The following EMC3 variants were observed in gnomAD, a reference collection of about 807,000 sequenced individuals.
EMC3 encodes the protein ER membrane protein complex subunit 3.
In EMC3, 13 loss-of-function variants were observed where a neutral mutation model predicts 36.6. The ratio of observed to expected loss-of-function variants is 0.35; its 90% CI spans 0.23 to 0.56. The LOEUF (loss-of-function observed/expected upper bound fraction) is 0.56, where lower values mean the gene tolerates loss of function less well. Among genes scored for constraint, EMC3 ranks in the 20% least tolerant of loss-of-function variants. The pLI is 0.84. For synonymous variants in EMC3, 120 were observed against 111.9 expected, an observed-to-expected ratio of 1.07 and a Z score of -0.46; for missense variants, 220 against 324.5, an observed-to-expected ratio of 0.68 and a Z score of 2.47.
intron 1 of EMC3, chr3:10,004,762 G>C (rs192323104): frequency 6.6e-6 from 1 of 152,274 alleles, no homozygotes; most frequent in Admixed American, 6.5e-5. Flanking sequence ...CACCTTCCCC[G>C]CATGGTGGGT....
At chr3:10,005,911 C>T (rs1388848581) in intron 1 of EMC3, among the ~76,000 whole-genome samples, 1 of 152,248 alleles carries the variant, frequency 6.6e-6, no homozygotes, top group Non-Finnish European at 1.5e-5. Context: ...CTTCCCCATC[C>T]ACTGAACTTT....
chr3:10,004,470 C>G (rs956567153), intron 1 of EMC3: 4 of 152,290 alleles, frequency 2.6e-5, no homozygotes, highest in Non-Finnish European at 4.4e-5. Flanking sequence ...AAGAAGCGGT[C>G]CACTATCAGA....
At chr3:9,994,060 G>A (rs2086091652) in intron 1 of EMC3, 1 of 1,209,098 alleles carries the variant, frequency 8.3e-7, no homozygotes, top group Non-Finnish European at 1.2e-6. Context: ...CAAAGATTAA[G>A]ATTTCTTAAG....
chr3:10,000,791 T>C, intron 1 of EMC3: 1 of 487,704 alleles, frequency 2.1e-6, no homozygotes. Flanking sequence ...CCTTTGTTCT[T>C]ATTGGTGTCT....
chr3:9,976,546 C>G (rs1478744074), intron 3 of EMC3, among the ~76,000 whole-genome samples: 6 of 152,290 alleles, frequency 3.9e-5, no homozygotes, highest in Admixed American at 1.3e-4. Flanking sequence ...CTTGGAAGTA[C>G]TGCACTCTTC....
At position 9,963,896 on chromosome 3, in the gene EMC3, T is replaced by C. The variant is rs2085712459; in HGVS notation, c.*173A>G. 4 of 1,009,700 alleles carry C rather than the reference T, an allele frequency of 4.0e-6. No individual in the cohort carries two copies. The highest frequency in any genetic ancestry group is 5.8e-6 in the Non-Finnish European group (4 of 695,330). 62.5% of individuals were successfully genotyped at this position (1,009,700 alleles called of 1,614,324 possible). On this transcript the variant is annotated 3_prime_UTR_variant, in exon 8 of 8. Coordinates refer to ENST00000245046, the MANE Select transcript of EMC3 (RefSeq NM_001394674.1). ...TAACAAGTTGCCCAGCATACTCCTA[T>C]TTCCTCTAGTTTCAAACATAAAGGG...
intron 1 of EMC3, chr3:10,003,209 A>G: frequency 2.2e-6 from 1 of 456,710 alleles, no homozygotes; most frequent in Non-Finnish European, 4.4e-6. Context: ...TCCCTGACAC[A>G]GCAACAACCA....
chr3:9,996,688 T>C (rs962726138), intron 1 of EMC3, among the ~76,000 whole-genome samples: 1 of 152,148 alleles, frequency 6.6e-6, no homozygotes, highest in African/African-American at 2.4e-5. Context: ...TCAAAACATA[T>C]AGAAGAGTAT....
At chr3:10,006,840 C>T (rs772534784) in intron 1 of EMC3, 3 of 424,884 alleles carry the variant, frequency 7.1e-6, no homozygotes, top group South Asian at 1.7e-5. Flanking sequence ...GGTCCAAGAA[C>T]ATTGAAACCT....
At chr3:9,972,496 C>T (rs1340407389) in intron 5 of EMC3, among the ~76,000 whole-genome samples, 1 of 146,544 alleles carries the variant, frequency 6.8e-6, no homozygotes, top group African/African-American at 2.5e-5. Flanking sequence ...TCTGGCCAGG[C>T]GTGGTGGCTC....
chr3:10,007,612 A>ACAG (rs1407372514), intron 1 of EMC3: 1 of 1,367,054 alleles, frequency 7.3e-7, no homozygotes, highest in African/African-American at 1.5e-5. Context: ...ATGGCAAGAC[A>ACAG]CAGCAGCAGC....
intron 1 of EMC3, among the ~76,000 whole-genome samples, chr3:10,001,736 G>A (rs201257760): frequency 3.3e-5 from 5 of 152,080 alleles, no homozygotes; most frequent in Non-Finnish European, 5.9e-5. Context: ...TGTGGCTAAC[G>A]CCTGTAATTC....
chr3:10,005,814 C>T (rs1161757316), intron 1 of EMC3, among the ~76,000 whole-genome samples: 2 of 152,186 alleles, frequency 1.3e-5, no homozygotes, highest in Non-Finnish European at 2.9e-5. Flanking sequence ...CCCATGGCCA[C>T]CTACCTCATT....
Position 9,970,652 on chromosome 3 carries a change from A to G in EMC3, c.504T>C (p.Ser168=). 6.2e-7 allele frequency: 1 copy of G among 1,614,182 alleles called. No homozygotes were observed. The highest frequency in any genetic ancestry group is 8.5e-7 in the Non-Finnish European group (1 of 1,180,020). Reference sequence around the variant, plus strand: ...ATACATTGAGGAAGTACCAGGATGCAGAACTCACCCTGGCAAAGCAAAATG... The same window carrying G: ...ATACATTGAGGAAGTACCAGGATGCGGAACTCACCCTGGCAAAGCAAAATG... ...LLTLDASWVS[S]ASWYFLNVFG... The change falls in exon 6 of 8, where the codon TCT becomes TCC. Residue 168 remains serine (S), a synonymous_variant. Transcript: ENST00000245046.
chr3:9,965,416 CGATAGATAGATAGATAGATAGATAGATA>C, intron 7 of EMC3, among the ~76,000 whole-genome samples: 1 of 145,862 alleles, frequency 6.9e-6, no homozygotes, highest in South Asian at 2.3e-4. Flanking sequence ...GTGAGACCCT[CGATAGATAGATAGATAGATAGATAGATA>C]GATAGATAGA....
chr3:9,993,357 A>AT (rs796771482), intron 1 of EMC3, among the ~76,000 whole-genome samples: 450 of 110,262 alleles, frequency 4.1e-3, no homozygotes, highest in Middle Eastern at 9.3e-3. Context: ...TCAAACTGGA[A>AT]TTTATAAACT....
intron 1 of EMC3, among the ~76,000 whole-genome samples, chr3:9,984,822 G>A (rs2085952658): frequency 6.6e-6 from 1 of 152,334 alleles, no homozygotes. Flanking sequence ...AAGGCTTGGT[G>A]TGAAGTCCTA....
intron 7 of EMC3, among the ~76,000 whole-genome samples, chr3:9,968,416 T>C (rs1162631539): frequency 6.6e-6 from 1 of 152,262 alleles, no homozygotes; most frequent in East Asian, 1.9e-4. Flanking sequence ...ACCATGCCAT[T>C]TGCAAACAGA....
rs766721223 is a variant in EMC3, at chr3:9,995,744, TCTC to T, written c.-241-8845_-241-8843del. Among the ~76,000 whole-genome samples, 160 of 152,158 alleles carry T rather than the reference TCTC, an allele frequency of 1.1e-3. 2 individuals are homozygous for T. Among genetic ancestry groups the T allele is most frequent in the Middle Eastern group, 3.4e-3 (1 of 294 alleles). ...CCTCTGCCTCCCGGGTTCTAGCGAT[TCTC>T]CTGCCTCACCCTTCCAAGTACCTGG... On this transcript the variant is annotated intron_variant, in intron 1 of 8. Transcript: ENST00000470827.
Sources: gnomAD v4.1 joint callset for allele counts (sites outside exome capture counted in the v4.1 genomes callset) on GRCh38, gnomAD v4.1.1 for gene constraint, MANE v1.5 for transcripts, NCBI Gene and HGNC (gene_info 2026-07-23, HGNC 2026-07-21) for gene names.